The following SHISA9 variants were observed in gnomAD, a reference collection of about 807,000 sequenced individuals.
The protein encoded by SHISA9 is shisa family member 9.
SHISA9 carries 13 observed loss-of-function variants against 38.0 expected under a neutral mutation model. The observed-to-expected ratio is 0.34, with a 90% CI of 0.22 to 0.54. The LOEUF (loss-of-function observed/expected upper bound fraction) is 0.54. Ranked by LOEUF, SHISA9 falls within the 20% of genes least tolerant of loss-of-function variation. The pLI is 0.91. For missense variants in SHISA9, 538 were observed against 575.8 expected (o/e 0.93, Z 0.67); for synonymous variants, 275 against 242.0 (o/e 1.14, Z -1.27).
At chr16:13,178,097 A>T (rs887279494) in intron 2 of SHISA9, among the ~76,000 whole-genome samples, 2 of 152,212 alleles carry the variant, frequency 1.3e-5, no homozygotes, top group African/African-American at 2.4e-5. Context: ...AGGTTCTTTA[A>T]AGAAGAGAAG....
At chr16:13,427,618 TAG>T in the SHISA9 span, among the ~76,000 whole-genome samples, 5 of 151,794 alleles carry the variant, frequency 3.3e-5, no homozygotes, top group African/African-American at 9.7e-5. Flanking sequence ...AGTGGAGGCA[TAG>T]AGAGGGAAGA....
chr16:13,508,701 A>C, the SHISA9 span, among the ~76,000 whole-genome samples: 1 of 152,358 alleles, frequency 6.6e-6, no homozygotes, highest in Admixed American at 6.5e-5. Context: ...ACAACGCATT[A>C]AACTCTTTAA....
the SHISA9 span, among the ~76,000 whole-genome samples, chr16:13,370,087 A>G: frequency 6.6e-6 from 1 of 152,196 alleles, no homozygotes; most frequent in African/African-American, 2.4e-5. Context: ...AATAAAATAC[A>G]TAGAGTTCAC....
chr16:13,092,089 G>T (rs1266201167), intron 2 of SHISA9, among the ~76,000 whole-genome samples: 1 of 152,168 alleles, frequency 6.6e-6, no homozygotes, highest in African/African-American at 2.4e-5. Context: ...GAGTTTGCTG[G>T]AATTCCACTC....
intron 3 of SHISA9, among the ~76,000 whole-genome samples, chr16:13,210,086 G>A (rs1055004389): frequency 4.6e-5 from 7 of 152,164 alleles, no homozygotes; most frequent in Admixed American, 4.6e-4. Flanking sequence ...GGGCAACAGA[G>A]CGAGACTCTG....
intron 2 of SHISA9, among the ~76,000 whole-genome samples, chr16:12,966,010 G>C (rs1331199816): frequency 1.3e-5 from 2 of 152,168 alleles, no homozygotes; most frequent in Non-Finnish European, 2.9e-5. Flanking sequence ...TCTTGGACTG[G>C]ATAATTCTCT....
At chr16:13,305,627 G>A in the SHISA9 span, among the ~76,000 whole-genome samples, 4 of 152,136 alleles carry the variant, frequency 2.6e-5, no homozygotes, top group African/African-American at 4.8e-5. Flanking sequence ...AGAAACTGCT[G>A]TGCCCTGCCA....
intron 4 of SHISA9, among the ~76,000 whole-genome samples, chr16:13,231,730 C>T (rs755622539): frequency 3.3e-4 from 51 of 152,264 alleles, no homozygotes; most frequent in African/African-American, 1.1e-3. Flanking sequence ...GTGGAGGCCA[C>T]GCTAGCCAGG....
intron 2 of SHISA9, among the ~76,000 whole-genome samples, chr16:13,016,406 C>A (rs1214982702): frequency 6.6e-6 from 1 of 152,148 alleles, no homozygotes. Flanking sequence ...TTGCTGACTT[C>A]TTTGAACAGG....
At chr16:13,345,927 C>T in the SHISA9 span, among the ~76,000 whole-genome samples, 183 of 151,074 alleles carry the variant, frequency 1.2e-3, no homozygotes, top group African/African-American at 4.1e-3. Context: ...TCAGGTCCTT[C>T]GCCCAATTCT....
the SHISA9 span, among the ~76,000 whole-genome samples, chr16:13,269,848 T>C: frequency 2.4e-4 from 36 of 152,262 alleles, no homozygotes; most frequent in Non-Finnish European, 4.4e-4. Flanking sequence ...AAATAGGGGA[T>C]CTGGGATTTG....
intron 2 of SHISA9, among the ~76,000 whole-genome samples, chr16:12,989,979 G>A (rs888942965): frequency 6.6e-6 from 1 of 152,114 alleles, no homozygotes; most frequent in Non-Finnish European, 1.5e-5. Flanking sequence ...CCCTCGCTGT[G>A]TTCATGTGTC....
the SHISA9 span, among the ~76,000 whole-genome samples, chr16:13,531,981 T>C: frequency 6.6e-6 from 1 of 152,200 alleles, no homozygotes; most frequent in African/African-American, 2.4e-5. Context: ...CTTAAGGAGA[T>C]TGAATGCCAA....
At chr16:13,188,926 A>G (rs893500458) in intron 2 of SHISA9, among the ~76,000 whole-genome samples, 8 of 152,166 alleles carry the variant, frequency 5.3e-5, no homozygotes, top group Non-Finnish European at 1.2e-4. Context: ...CCCTAATCCA[A>G]TATGACTGGT....
the SHISA9 span, among the ~76,000 whole-genome samples, chr16:13,533,831 TG>T: frequency 1.9e-4 from 28 of 149,498 alleles, no homozygotes; most frequent in Non-Finnish European, 3.4e-4. Flanking sequence ...TCGCCTAGGC[TG>T]GAGTGCAGTG....
At chr16:13,187,332 T>C (rs2050835552) in intron 2 of SHISA9, among the ~76,000 whole-genome samples, 1 of 104,230 alleles carries the variant, frequency 9.6e-6, no homozygotes, top group South Asian at 2.9e-4. Context: ...TCTTTTCTTT[T>C]TTTTTTTTTT....
the SHISA9 span, among the ~76,000 whole-genome samples, chr16:13,353,878 C>G: frequency 1.3e-5 from 2 of 152,066 alleles, no homozygotes; most frequent in African/African-American, 4.8e-5. Context: ...AACTGCTTGG[C>G]TGATTTGACT....
the SHISA9 span, among the ~76,000 whole-genome samples, chr16:13,404,770 G>T: frequency 6.6e-6 from 1 of 152,202 alleles, no homozygotes; most frequent in Non-Finnish European, 1.5e-5. Context: ...AGCCAATGAT[G>T]TTAAAGCCTT....
chr16:13,299,328 G>A, the SHISA9 span, among the ~76,000 whole-genome samples: 26 of 152,276 alleles, frequency 1.7e-4, no homozygotes, highest in South Asian at 5.0e-3. Context: ...CAATGAAGTA[G>A]GTACAATTTC....
Sources: allele counts gnomAD v4.1 joint callset (sites outside exome capture counted in the v4.1 genomes callset), GRCh38; gene constraint gnomAD v4.1.1; transcripts MANE v1.5; gene names NCBI Gene and HGNC (gene_info 2026-07-23, HGNC 2026-07-21).